The following HEXB variants were observed in gnomAD, a reference collection of about 807,000 sequenced individuals.
The protein encoded by HEXB is beta-hexosaminidase subunit beta.
HEXB carries 51 observed loss-of-function variants against 71.2 expected under a neutral mutation model. That is an observed-to-expected ratio of 0.72 (90% CI 0.57 to 0.90). The LOEUF is 0.90. HEXB is among the 40% of genes least tolerant of loss of function. The pLI is 0.00. For synonymous variants in HEXB, 266 were observed against 249.3 expected, an observed-to-expected ratio of 1.07 and a Z score of -0.63; for missense variants, 617 against 677.0, an observed-to-expected ratio of 0.91 and a Z score of 0.98.
chr5:74,665,033 C>T lies in HEXB; in HGVS notation c.-376-24295C>T, dbSNP rs190738845. ...GATCCAGTAATTCTACTTTTAAGAACGAATCAGAGGTCTACAAAAAGATTT... is the reference window on the plus strand; with the variant it reads ...GATCCAGTAATTCTACTTTTAAGAATGAATCAGAGGTCTACAAAAAGATTT... On this transcript the variant is annotated intron_variant, in intron 1 of 13. Transcript: ENST00000511181. Among the ~76,000 whole-genome samples the T allele has an allele frequency of 4.5e-4, 68 of 152,126 alleles. 1 individual carries two copies. The highest frequency in any genetic ancestry group is 1.5e-3 in the African/African-American group (61 of 41,510).
At chr5:74,670,226 C>T (rs898606393) in intron 1 of HEXB, among the ~76,000 whole-genome samples, 1 of 151,284 alleles carries the variant, frequency 6.6e-6, no homozygotes, top group Admixed American at 6.6e-5. Flanking sequence ...TGAGTGGTGC[C>T]TTTGTTTTAG....
chr5:74,655,312 CTTTT>C lies in HEXB; in HGVS notation c.-377+14771_-377+14774del, dbSNP rs386404134. Reference sequence around the variant, plus strand: ...AGATAATAACCCTTCAAGCATTAAACTTTTTTTTTTTTTTTTTTTTGAGACAGGA... The same window carrying C: ...AGATAATAACCCTTCAAGCATTAAACTTTTTTTTTTTTTTTTGAGACAGGA... On this transcript the variant is annotated intron_variant, in intron 1 of 13. Transcript: ENST00000511181. 2.6e-3 allele frequency among the ~76,000 whole-genome samples: 328 copies of C among 125,090 alleles called. 1 individual carries two copies. Among genetic ancestry groups the C allele is most frequent in the Middle Eastern group, 8.1e-3 (2 of 248 alleles). The allele number at this position is 125,090 out of a possible 152,430, so 82.1% of individuals were successfully genotyped here.
chr5:74,708,919 A>G (rs1000285063), intron 6 of HEXB, among the ~76,000 whole-genome samples: 8 of 152,182 alleles, frequency 5.3e-5, no homozygotes, highest in Non-Finnish European at 2.9e-5. Context: ...CAGGAATTGA[A>G]CTCAGCTCTG....
intron 1 of HEXB, among the ~76,000 whole-genome samples, chr5:74,658,416 T>C (rs550545418): frequency 6.6e-6 from 1 of 152,306 alleles, no homozygotes; most frequent in East Asian, 1.9e-4. Context: ...CTTTCTTTGT[T>C]TAGGGCAGGG....
At chr5:74,680,360 AC>A (rs1748716170), upstream of HEXB, among the ~76,000 whole-genome samples, 1 of 152,146 alleles carries the variant, frequency 6.6e-6, no homozygotes, top group South Asian at 2.1e-4. Context: ...ACACCTGTCC[AC>A]CACTGTATTT....
upstream of HEXB, among the ~76,000 whole-genome samples, chr5:74,680,968 T>A (rs987331818): frequency 1.3e-5 from 2 of 152,258 alleles, no homozygotes; most frequent in African/African-American, 4.8e-5. Context: ...CACTTTTTCA[T>A]ATTTCAGTCA....
At chr5:74,684,422 A>G (rs1748801202), upstream of HEXB, among the ~76,000 whole-genome samples, 1 of 152,232 alleles carries the variant, frequency 6.6e-6, no homozygotes, top group African/African-American at 2.4e-5. Flanking sequence ...GAGTTCTGAT[A>G]GGAAGGCTTT....
chr5:74,651,372 G>A (rs571932727), intron 1 of HEXB, among the ~76,000 whole-genome samples: 9 of 152,276 alleles, frequency 5.9e-5, no homozygotes, highest in African/African-American at 1.2e-4. Flanking sequence ...AATTTAATAC[G>A]TTTAACAAAT....
chr5:74,700,950 T>C (rs1292517935), intron 5 of HEXB, among the ~76,000 whole-genome samples: 2 of 152,120 alleles, frequency 1.3e-5, no homozygotes, highest in Non-Finnish European at 2.9e-5. Context: ...TCAGGTGATC[T>C]ACCTTCCTCA....
At chr5:74,642,959 A>C (rs1747933133) in intron 1 of HEXB, among the ~76,000 whole-genome samples, 1 of 152,232 alleles carries the variant, frequency 6.6e-6, no homozygotes, top group Non-Finnish European at 1.5e-5. Flanking sequence ...GAAAATCTTG[A>C]AATGCATTCA....
chr5:74,701,699 A>T (rs72764630), intron 5 of HEXB, among the ~76,000 whole-genome samples: 21,416 of 152,044 alleles, frequency 0.14, 1,679 homozygotes, highest in African/African-American at 0.21. Flanking sequence ...TATACTCTTT[A>T]CCCAGATACT....
chr5:74,656,207 G>C (rs903092618), intron 1 of HEXB, among the ~76,000 whole-genome samples: 3 of 152,140 alleles, frequency 2.0e-5, no homozygotes, highest in African/African-American at 7.2e-5. Flanking sequence ...TGTAACCCCA[G>C]CACTTGGGGA....
intron 5 of HEXB, among the ~76,000 whole-genome samples, chr5:74,701,475 CTAAATACTAAATTCAGTTATAATTAT>C (rs1291779765): frequency 2.0e-5 from 3 of 152,054 alleles, no homozygotes; most frequent in African/African-American, 7.2e-5. Flanking sequence ...ATGACAATTA[CTAAATACTAAATTCAGTTATAATTAT>C]TAAATACTAA....
At position 74,716,708 on chromosome 5, in the gene HEXB, C is replaced by CT. The variant is rs779866715; in HGVS notation, c.1169+40dup. ...TTGAAAGCCTATTTCTGTATTAATG[C>CT]TTTTTGTAAAAGTTTATTTAGTAAT... On this transcript the variant is annotated intron_variant, in intron 9 of 13. Transcript: ENST00000261416. The CT allele has an allele frequency of 8.5e-6, 11 of 1,297,828 alleles. No individual in the cohort carries two copies. In the South Asian group the frequency reaches 1.3e-4, roughly 16 times the overall value. 80.4% of individuals were successfully genotyped at this position (1,297,828 alleles called of 1,614,324 possible). A position where few individuals can be genotyped will look rare whatever the true frequency, so the allele number is the denominator to read the frequency against.
chr5:74,694,783 G>A (rs1476628023), intron 3 of HEXB, among the ~76,000 whole-genome samples: 1 of 151,418 alleles, frequency 6.6e-6, no homozygotes, highest in African/African-American at 2.4e-5. Flanking sequence ...TGGCCAACAT[G>A]GTGAAATCCC....
rs779273534 is a variant in HEXB, at chr5:74,720,760, T to TTAAG, written c.1613+15_1613+18dup. 113 of 1,587,058 alleles carry TTAAG rather than the reference T, an allele frequency of 7.1e-5. No individual in the cohort carries two copies. The highest frequency in any genetic ancestry group is 9.4e-5 in the Non-Finnish European group (109 of 1,155,546). Reference sequence around the variant, plus strand: ...GCAGGATGGTCGAGTAAGAAATCTATTAAGTCCAGTGTGATTTTTAACCTT... The same window carrying TTAAG: ...GCAGGATGGTCGAGTAAGAAATCTATTAAGTAAGTCCAGTGTGATTTTTAACCTT... On this transcript the variant is annotated intron_variant, in intron 13 of 13. Transcript: ENST00000261416.
chr5:74,683,917 T>G (rs1375155849), upstream of HEXB, among the ~76,000 whole-genome samples: 2 of 151,594 alleles, frequency 1.3e-5, no homozygotes, highest in Non-Finnish European at 2.9e-5. Flanking sequence ...ACCTTCCGGT[T>G]TCAAGCGATT....
chr5:74,658,099 G>A (rs1318105058), intron 1 of HEXB, among the ~76,000 whole-genome samples: 1 of 152,164 alleles, frequency 6.6e-6, no homozygotes, highest in African/African-American at 2.4e-5. Context: ...CAGAGCCCTT[G>A]CCTTGCCAGC....
chr5:74,665,147 T>A (rs1268991955), intron 1 of HEXB, among the ~76,000 whole-genome samples: 2 of 152,154 alleles, frequency 1.3e-5, no homozygotes, highest in African/African-American at 4.8e-5. Flanking sequence ...TCAATAAAAA[T>A]TAATCCATCC....
Sources: gnomAD v4.1 joint callset for allele counts (sites outside exome capture counted in the v4.1 genomes callset) on GRCh38, gnomAD v4.1.1 for gene constraint, MANE v1.5 for transcripts, NCBI Gene and HGNC (gene_info 2026-07-23, HGNC 2026-07-21) for gene names.